KLHL4: variants seen among roughly 807,000 people sequenced by gnomAD.
KLHL4 encodes the protein kelch-like protein 4.
Under a neutral mutation model 45.8 loss-of-function variants are expected in KLHL4, and 17 were observed. That is an observed-to-expected ratio of 0.37 (90% CI 0.25 to 0.56). The LOEUF is 0.56. Among genes scored for constraint, KLHL4 ranks in the 20% least tolerant of loss-of-function variants. KLHL4 has a pLI of 0.79. For synonymous variants in KLHL4, 224 were observed against 189.9 expected (o/e 1.18, Z -1.47); for missense variants, 544 against 544.9 (o/e 1.00, Z 0.02).
At chrX:87,573,266 C>T (rs963363397) in intron 1 of KLHL4, among the ~76,000 whole-genome samples, 1 of 111,180 alleles carries the variant, frequency 9.0e-6, no homozygotes, top group Non-Finnish European at 1.9e-5. Flanking sequence ...GATTCTAATT[C>T]CCTGTACCTA....
intron 1 of KLHL4, among the ~76,000 whole-genome samples, chrX:87,566,363 T>A (rs1384990302): frequency 9.1e-6 from 1 of 109,379 alleles, no homozygotes. Flanking sequence ...ACAAATGGAG[T>A]TATGTCATGA....
intron 8 of KLHL4, 129 bp downstream of exon 8, chrX:87,634,040 C>A: frequency 2.0e-6 from 1 of 493,586 alleles, no homozygotes; most frequent in Non-Finnish European, 3.2e-6. Context: ...AATAAAAGGT[C>A]TTCATTGGAA....
At chrX:87,538,050 C>CAACATCAA (rs1347053301) in intron 1 of KLHL4, among the ~76,000 whole-genome samples, 1 of 111,762 alleles carries the variant, frequency 8.9e-6, no homozygotes, top group African/African-American at 3.2e-5. Context: ...TCGGCATAGA[C>CAACATCAA]AACATCAAAG....
intron 1 of KLHL4, among the ~76,000 whole-genome samples, chrX:87,580,855 G>A (rs888669416): frequency 8.9e-6 from 1 of 111,848 alleles, no homozygotes; most frequent in Non-Finnish European, 1.9e-5. Context: ...TAGACCAAAT[G>A]AACATAAAAG....
chrX:87,625,321 C>A (rs997690399), intron 5 of KLHL4, among the ~76,000 whole-genome samples: 2 of 111,970 alleles, frequency 1.8e-5, no homozygotes, highest in Admixed American at 1.9e-4. Flanking sequence ...GCCTCTACCT[C>A]CCGGGCTCAA....
At chrX:87,629,718 C>T (rs1044094708) in intron 6 of KLHL4, among the ~76,000 whole-genome samples, 1 of 110,714 alleles carries the variant, frequency 9.0e-6, no homozygotes, top group African/African-American at 3.3e-5. Flanking sequence ...TTAGAACAAG[C>T]AGATAAGAAT....
At chrX:87,665,241 C>T (rs2147845106) in intron 10 of KLHL4, among the ~76,000 whole-genome samples, 1 of 111,084 alleles carries the variant, frequency 9.0e-6, no homozygotes, top group South Asian at 3.8e-4. Context: ...CAATAAAATA[C>T]TTCAGTAATA....
chrX:87,534,934 G>A (rs900800720), intron 1 of KLHL4, among the ~76,000 whole-genome samples: 1 of 111,844 alleles, frequency 8.9e-6, no homozygotes, highest in African/African-American at 3.2e-5. Flanking sequence ...GCACTTGTCG[G>A]ATCTTAATAA....
chrX:87,633,347 G>A (rs1486186431), intron 7 of KLHL4, among the ~76,000 whole-genome samples: 1 of 111,930 alleles, frequency 8.9e-6, no homozygotes, highest in East Asian at 2.8e-4. Flanking sequence ...AGGTTATAAA[G>A]ACCTACTACA....
intron 9 of KLHL4, among the ~76,000 whole-genome samples, chrX:87,641,440 C>A (rs1008158513): frequency 4.5e-5 from 5 of 111,857 alleles, no homozygotes; most frequent in Admixed American, 2.8e-4. Flanking sequence ...CACAGGGATA[C>A]ATTTGGAGGC....
At chrX:87,576,343 A>G (rs1921101847) in intron 1 of KLHL4, among the ~76,000 whole-genome samples, 1 of 111,854 alleles carries the variant, frequency 8.9e-6, no homozygotes, top group Non-Finnish European at 1.9e-5. Flanking sequence ...AAAAAACTTT[A>G]TATGCCAAGG....
intron 4 of KLHL4, among the ~76,000 whole-genome samples, chrX:87,618,855 T>A (rs1922653641): frequency 8.9e-6 from 1 of 112,013 alleles, no homozygotes; most frequent in Non-Finnish European, 1.9e-5. Flanking sequence ...TTACTTTGGT[T>A]AAAAATAACT....
intron 1 of KLHL4, among the ~76,000 whole-genome samples, chrX:87,540,007 T>A (rs1420474025): frequency 8.9e-6 from 1 of 111,884 alleles, no homozygotes; most frequent in Non-Finnish European, 1.9e-5. Context: ...GATATTACAG[T>A]ACTGAATATT....
At chrX:87,610,145 C>G (rs750041918) in intron 1 of KLHL4, among the ~76,000 whole-genome samples, 8 of 112,062 alleles carry the variant, frequency 7.1e-5, no homozygotes, top group Admixed American at 6.6e-4. Flanking sequence ...CATCCCAAAG[C>G]CTCGACTCTC....
intron 1 of KLHL4, among the ~76,000 whole-genome samples, chrX:87,533,883 A>G (rs1023291945): frequency 1.8e-5 from 2 of 110,868 alleles, no homozygotes; most frequent in African/African-American, 6.6e-5. Context: ...GCCACAATGA[A>G]TGAATTAAAC....
chrX:87,664,776 A>T lies in KLHL4; in HGVS notation c.1938A>T (p.Lys646Asn). 8.3e-7 allele frequency: 1 copy of T among 1,200,569 alleles called. No homozygotes were observed. Among genetic ancestry groups the T allele is most frequent in the East Asian group, 3.0e-5 (1 of 33,730 alleles). Residue 646 changes from lysine (K) to asparagine (N), a missense_variant, in exon 10 of 11, where the codon AAA becomes AAT. By Grantham distance (94) the Lys-to-Asn change is moderately conservative. Coordinates refer to ENST00000373119, the MANE Select transcript of KLHL4 (RefSeq NM_019117.5). ...LSDCVERYDPKGDSWSTVAPL... is the reference protein window; with the variant it reads ...LSDCVERYDPNGDSWSTVAPL... ...TAAATCCTTTAAGGTATGATCCAAA[A>T]GGTGATTCATGGTCAACTGTGGCAC... is the stretch of plus-strand genomic sequence containing the variant.
chrX:87,591,994 T>G (rs1435222712), intron 1 of KLHL4, among the ~76,000 whole-genome samples: 1 of 110,308 alleles, frequency 9.1e-6, no homozygotes, highest in Non-Finnish European at 1.9e-5. Context: ...CCATCCAAAC[T>G]TCCCCCCCCA....
intron 1 of KLHL4, among the ~76,000 whole-genome samples, chrX:87,520,666 T>G (rs1930982566): frequency 8.9e-6 from 1 of 112,174 alleles, no homozygotes; most frequent in Admixed American, 9.5e-5. Flanking sequence ...GATCCCACAC[T>G]GTGAGTATTC....
In KLHL4 at chrX:87,598,361, T is replaced by C. The variant is rs184595989; in HGVS notation, c.423-15516T>C. ...GTTTGAAGTATTACAATTTCTGTAT[T>C]AGAGAATTCCAAATTAATGAGGTTT... On this transcript the variant is annotated intron_variant, in intron 1 of 10. Coordinates refer to ENST00000373119, the MANE Select transcript of KLHL4 (RefSeq NM_019117.5). 1.9e-3 allele frequency among the ~76,000 whole-genome samples: 207 copies of C among 111,276 alleles called. 2 individuals are homozygous for C. Among genetic ancestry groups the C allele is most frequent in the Admixed American group, 4.4e-3 (46 of 10,383 alleles).
Sources: allele counts gnomAD v4.1 joint callset (sites outside exome capture counted in the v4.1 genomes callset), GRCh38; gene constraint gnomAD v4.1.1; transcripts MANE v1.5; gene names NCBI Gene and HGNC (gene_info 2026-07-23, HGNC 2026-07-21).